Variants in POU6F2 observed in about 807,000 individuals in gnomAD.
POU6F2 encodes the protein POU class 6 homeobox 2.
Under a neutral mutation model 71.3 loss-of-function variants are expected in POU6F2, and 31 were observed. The observed-to-expected ratio is 0.43, with a 90% CI of 0.33 to 0.59. The LOEUF is 0.59. POU6F2 is among the 20% of genes least tolerant of loss of function. POU6F2 has a pLI of 0.04. For synonymous variants in POU6F2, 347 were observed against 355.7 expected (o/e 0.98, Z 0.27); for missense variants, 783 against 856.8 (o/e 0.91, Z 1.07).
chr7:39,290,485 C>G (rs1431226880), intron 4 of POU6F2, among the ~76,000 whole-genome samples: 1 of 152,216 alleles, frequency 6.6e-6, no homozygotes, highest in East Asian at 1.9e-4. Flanking sequence ...TCAAGTTCTT[C>G]AAGCTGAACC....
chr7:39,310,300 C>T (rs987639167), intron 4 of POU6F2, among the ~76,000 whole-genome samples: 5 of 152,112 alleles, frequency 3.3e-5, no homozygotes, highest in Non-Finnish European at 7.3e-5. Flanking sequence ...AGTTTCAACA[C>T]GTTATACACA....
At chr7:39,431,547 G>A (rs892441205) in intron 6 of POU6F2, among the ~76,000 whole-genome samples, 3 of 152,198 alleles carry the variant, frequency 2.0e-5, no homozygotes, top group African/African-American at 4.8e-5. Flanking sequence ...CATCTAGTGG[G>A]AAATTGCAAA....
chr7:39,414,716 C>T (rs1787635268), intron 6 of POU6F2, among the ~76,000 whole-genome samples: 1 of 151,858 alleles, frequency 6.6e-6, no homozygotes, highest in African/African-American at 2.4e-5. Flanking sequence ...TACCCCGCCC[C>T]CCCACCACAT....
At chr7:39,112,164 C>A (rs1367545033) in intron 2 of POU6F2, among the ~76,000 whole-genome samples, 1 of 152,080 alleles carries the variant, frequency 6.6e-6, no homozygotes, top group Non-Finnish European at 1.5e-5. Flanking sequence ...AAGCAGTAGC[C>A]AGCCCTTGTC....
chr7:39,072,923 A>T (rs1315560020), intron 1 of POU6F2, among the ~76,000 whole-genome samples: 1 of 152,240 alleles, frequency 6.6e-6, no homozygotes, highest in African/African-American at 2.4e-5. Context: ...ACATTGCGTA[A>T]ACATGATCAG....
Position 39,133,323 on chromosome 7 carries a change from T to C in POU6F2, c.277+47292T>C, listed in dbSNP as rs957306321. The stretch of plus-strand genomic sequence containing the variant: ...CGGCAGCTGCTGCATGTATGTAGCC[T>C]GTGTGTTGTGGTGTGAGTCAAAAGC... On this transcript the variant is annotated intron_variant, in intron 2 of 9. Coordinates refer to ENST00000518318, the MANE Select transcript of POU6F2 (RefSeq NM_001370959.1). Among the ~76,000 whole-genome samples the C allele has an allele frequency of 5.3e-5, 8 of 152,192 alleles. No individual in the cohort carries two copies. In the East Asian group the frequency reaches 1.2e-3, roughly 22 times the overall value.
chr7:39,104,818 G>T (rs1389086980), intron 2 of POU6F2, among the ~76,000 whole-genome samples: 2 of 152,130 alleles, frequency 1.3e-5, no homozygotes, highest in East Asian at 3.9e-4. Context: ...AAACTTAAAA[G>T]AAAGCACTTT....
chr7:39,305,464 T>C (rs756983597), intron 4 of POU6F2, among the ~76,000 whole-genome samples: 4 of 152,228 alleles, frequency 2.6e-5, no homozygotes, highest in African/African-American at 4.8e-5. Context: ...CAGCTTTATA[T>C]TGGGTTTATT....
At chr7:39,351,813 G>T (rs1786144494) in intron 5 of POU6F2, among the ~76,000 whole-genome samples, 1 of 152,180 alleles carries the variant, frequency 6.6e-6, no homozygotes, top group Non-Finnish European at 1.5e-5. Flanking sequence ...AGGACGTTAG[G>T]TGTGAGGACT....
At chr7:39,213,439 C>T (rs184226184) in intron 4 of POU6F2, among the ~76,000 whole-genome samples, 6 of 152,178 alleles carry the variant, frequency 3.9e-5, no homozygotes, top group Non-Finnish European at 8.8e-5. Flanking sequence ...CAAGAAAATG[C>T]ATGGACCTTA....
At chr7:39,377,221 C>G (rs1786727981) in intron 5 of POU6F2, among the ~76,000 whole-genome samples, 1 of 150,304 alleles carries the variant, frequency 6.7e-6, no homozygotes, top group South Asian at 2.1e-4. Flanking sequence ...GCCTCCGCCT[C>G]CCGGGTTCAA....
At chr7:39,081,943 C>G (rs897437040) in intron 1 of POU6F2, among the ~76,000 whole-genome samples, 1 of 152,160 alleles carries the variant, frequency 6.6e-6, no homozygotes, top group African/African-American at 2.4e-5. Flanking sequence ...CACTTAGCTG[C>G]GTGCCTTTGG....
intron 5 of POU6F2, among the ~76,000 whole-genome samples, chr7:39,344,488 A>G (rs556155600): frequency 3.3e-5 from 5 of 152,174 alleles, no homozygotes; most frequent in Admixed American, 6.5e-5. Context: ...TCCAAAGTGC[A>G]TACATAATGG....
chr7:39,425,343 C>T (rs1415889309), intron 6 of POU6F2, among the ~76,000 whole-genome samples: 1 of 152,074 alleles, frequency 6.6e-6, no homozygotes, highest in Non-Finnish European at 1.5e-5. Context: ...CACAAAAGCA[C>T]ATCTTTGTTA....
At chr7:39,239,188 C>T (rs1783662129) in intron 4 of POU6F2, among the ~76,000 whole-genome samples, 1 of 152,106 alleles carries the variant, frequency 6.6e-6, no homozygotes, top group Admixed American at 6.6e-5. Flanking sequence ...TGGGCTGAGG[C>T]TGTCAAGGGT....
intron 5 of POU6F2, among the ~76,000 whole-genome samples, chr7:39,362,975 A>G (rs1786421981): frequency 6.6e-6 from 1 of 152,210 alleles, no homozygotes; most frequent in Non-Finnish European, 1.5e-5. Context: ...CAGAAGAAGC[A>G]GAGGCCAGAT....
rs535025466 is a variant in POU6F2, at chr7:39,344,331, T to C, written c.972+4316T>C. 2.0e-5 allele frequency among the ~76,000 whole-genome samples: 3 copies of C among 152,222 alleles called. No individual in the cohort carries two copies. The South Asian group carries it at 6.2e-4, about 32-fold the overall frequency. ...AGAGCGTGAAATGTATTCTCAACCA[T>C]GTGCATTTGCTAATGGAAAGGTCTA... is the stretch of plus-strand genomic sequence containing the variant. On this transcript the variant is annotated intron_variant, in intron 5 of 9. Transcript: ENST00000518318.
At chr7:39,125,518 TTC>T (rs1450468004) in intron 2 of POU6F2, among the ~76,000 whole-genome samples, 4 of 152,154 alleles carry the variant, frequency 2.6e-5, no homozygotes, top group Non-Finnish European at 2.9e-5. Context: ...TTCTCAGAGT[TTC>T]TGTTAAAAAA....
chr7:39,366,274 A>G (rs1583553607), intron 5 of POU6F2, among the ~76,000 whole-genome samples: 1 of 152,174 alleles, frequency 6.6e-6, no homozygotes, highest in Admixed American at 6.5e-5. Flanking sequence ...GATACGGCTG[A>G]GGTAGAGCAA....
Sources: allele counts gnomAD v4.1 joint callset (sites outside exome capture counted in the v4.1 genomes callset), GRCh38; gene constraint gnomAD v4.1.1; transcripts MANE v1.5; gene names NCBI Gene and HGNC (gene_info 2026-07-23, HGNC 2026-07-21).